RFT1: variants seen among roughly 807,000 people sequenced by gnomAD.
RFT1 encodes man(5)GlcNAc(2)-PP-dolichol translocation protein RFT1.
A neutral mutation model predicts 62.2 loss-of-function variants in RFT1; 43 were observed. That is an observed-to-expected ratio of 0.69 (90% CI 0.54 to 0.89). The LOEUF (loss-of-function observed/expected upper bound fraction) is 0.89. RFT1 is among the 40% of genes least tolerant of loss of function. The pLI is 0.00. For missense variants in RFT1, 605 were observed against 649.9 expected (o/e 0.93, Z 0.75); for synonymous variants, 262 against 264.6 (o/e 0.99, Z 0.10).
At chr3:53,124,375 T>C (rs1029653389) in intron 2 of RFT1, among the ~76,000 whole-genome samples, 5 of 152,062 alleles carry the variant, frequency 3.3e-5, no homozygotes, top group African/African-American at 1.2e-4. Context: ...CCTTCCTGCA[T>C]CTTAGCGAGG....
chr3:53,115,329 C>T (rs1217435930), intron 6 of RFT1, among the ~76,000 whole-genome samples: 1 of 152,084 alleles, frequency 6.6e-6, no homozygotes, highest in Non-Finnish European at 1.5e-5. Context: ...TCTCATGGAG[C>T]CAGTATGAGG....
At chr3:53,093,705 T>C (rs917583575) in intron 11 of RFT1, among the ~76,000 whole-genome samples, 3 of 151,500 alleles carry the variant, frequency 2.0e-5, no homozygotes, top group South Asian at 2.1e-4. Flanking sequence ...ACAGAGCTAG[T>C]AGACCCCCGT....
At chr3:53,107,909 C>T (rs1273655413) in intron 7 of RFT1, among the ~76,000 whole-genome samples, 1 of 152,154 alleles carries the variant, frequency 6.6e-6, no homozygotes, top group Non-Finnish European at 1.5e-5. Context: ...GACTTTCTCC[C>T]ACCCTGACTC....
chr3:53,078,546 C>T, the RFT1 span, among the ~76,000 whole-genome samples: 1 of 152,078 alleles, frequency 6.6e-6, no homozygotes, highest in South Asian at 2.1e-4. Context: ...TGAGACTAGC[C>T]TGGGCAACAT....
intron 7 of RFT1, 91 bp from the exon 8 acceptor site, chr3:53,106,960 G>T: frequency 1.1e-6 from 1 of 928,680 alleles, no homozygotes; most frequent in Non-Finnish European, 1.7e-6. Context: ...TTTTCCAGCT[G>T]ACAAATAAAG....
At chr3:53,073,471 C>T in the RFT1 span, among the ~76,000 whole-genome samples, 1 of 152,036 alleles carries the variant, frequency 6.6e-6, no homozygotes, top group Non-Finnish European at 1.5e-5. Context: ...AAGGGAAGCA[C>T]AAGTGTGTGG....
the RFT1 span, among the ~76,000 whole-genome samples, chr3:53,070,932 A>G: frequency 4.6e-5 from 7 of 151,512 alleles, no homozygotes; most frequent in East Asian, 1.2e-3. Context: ...GGGTTTCACC[A>G]TGTTGGCCAG....
chr3:53,126,130 T>G, intron 1 of RFT1, 136 bp from the exon 2 acceptor site: 1 of 678,622 alleles, frequency 1.5e-6, no homozygotes, highest in Non-Finnish European at 2.7e-6. Flanking sequence ...GACTCTCCTC[T>G]AAGACGCCCA....
At chr3:53,106,768 T>G (rs374585807) in intron 8 of RFT1, 51 bp downstream of exon 8, 1 of 1,232,498 alleles carries the variant, frequency 8.1e-7, no homozygotes, top group Non-Finnish European at 1.2e-6. Context: ...TTAGGAAGTA[T>G]CTATTAATAG....
At chr3:53,106,903 C>A in intron 7 of RFT1, 34 bp from the exon 8 acceptor site, 1 of 1,479,764 alleles carries the variant, frequency 6.8e-7, no homozygotes, top group South Asian at 1.1e-5. Flanking sequence ...TTAGCAATGT[C>A]AAATGCACAT....
Position 53,129,216 on chromosome 3 carries a change from C to T in RFT1, c.63+1122G>A, listed in dbSNP as rs142339902. On this transcript the variant is annotated intron_variant, in intron 1 of 12. Transcript: ENST00000296292. ...ATGCTTTCCATAGGTTATCTCATTT[C>T]ATTCCTACATTGACTATTTTAAAAA... Among the ~76,000 whole-genome samples the T allele has an allele frequency of 7.4e-4, 113 of 152,324 alleles. 3 individuals are homozygous for T. In the East Asian group the frequency reaches 0.021, roughly 29 times the overall value.
In RFT1 at chr3:53,092,595, A is replaced by G. The variant is rs1033540179; in HGVS notation, c.1232T>C (p.Leu411Pro). The change falls in exon 12 of 13, where the codon CTG (leucine) becomes CCG (proline). Residue 411 changes from leucine (L) to proline (P), a missense_variant. Leu to Pro is a moderately conservative substitution (Grantham distance 98). Coordinates refer to ENST00000296292, the MANE Select transcript of RFT1 (RefSeq NM_052859.4). The part of the protein sequence containing the change: ...VDRYNFVMLA[L>P]SSSFLVLSYL... ...GGATAACACCAGGAATGAGGAGGAC[A>G]GGGCCAGCATCACAAAATTGTACCT... 4 of 1,612,080 alleles carry G rather than the reference A, an allele frequency of 2.5e-6. No individual in the cohort carries two copies. The highest frequency in any genetic ancestry group is 1.7e-5 in the Admixed American group (1 of 59,746).
At chr3:53,120,852 C>T (rs541554448) in intron 5 of RFT1, among the ~76,000 whole-genome samples, 1 of 152,332 alleles carries the variant, frequency 6.6e-6, no homozygotes, top group Admixed American at 6.5e-5. Flanking sequence ...CCCCTCTGCT[C>T]TCCACTCCCA....
chr3:53,092,547 C>G lies in RFT1; in HGVS notation c.1280G>C (p.Gly427Ala). ...GTTGGCCAAGATGAAGCCCACGCTGCCACACCAACGGGTCAAGAGATAGGA... is the reference window on the plus strand; with the variant it reads ...GTTGGCCAAGATGAAGCCCACGCTGGCACACCAACGGGTCAAGAGATAGGA... ...VLSYLLTRWCGSVGFILANCF... is the reference protein window; with the variant it reads ...VLSYLLTRWCASVGFILANCF... Residue 427 changes from glycine (G) to alanine (A), a missense_variant, in exon 12 of 13, where the codon GGC becomes GCC. Coordinates refer to ENST00000296292, the MANE Select transcript of RFT1 (RefSeq NM_052859.4). 1 of 1,612,580 alleles carries G rather than the reference C, an allele frequency of 6.2e-7. No individual in the cohort carries two copies. The highest frequency in any genetic ancestry group is 8.5e-7 in the Non-Finnish European group (1 of 1,179,594).
the RFT1 span, among the ~76,000 whole-genome samples, chr3:53,076,283 G>A: frequency 1.4e-4 from 21 of 152,220 alleles, no homozygotes; most frequent in African/African-American, 4.8e-4. Context: ...CTCTGGGGAA[G>A]GGAGGCAGGG....
intron 1 of RFT1, among the ~76,000 whole-genome samples, chr3:53,128,213 T>C (rs966731165): frequency 6.6e-6 from 1 of 151,992 alleles, no homozygotes; most frequent in Non-Finnish European, 1.5e-5. Flanking sequence ...CCTGAGAATC[T>C]CTTGGGCCCG....
At chr3:53,087,093 C>A (rs1479942277), downstream of RFT1, among the ~76,000 whole-genome samples, 1 of 152,186 alleles carries the variant, frequency 6.6e-6, no homozygotes, top group African/African-American at 2.4e-5. Flanking sequence ...CAAAAATTAG[C>A]CAGGTGTGGT....
downstream of RFT1, among the ~76,000 whole-genome samples, chr3:53,088,290 G>A (rs1700902214): frequency 6.6e-6 from 1 of 152,188 alleles, no homozygotes; most frequent in Admixed American, 6.5e-5. Flanking sequence ...CCCAGACACA[G>A]GAGGTGCCAG....
chr3:53,110,204 A>C (rs1701607110), intron 7 of RFT1, among the ~76,000 whole-genome samples: 1 of 152,256 alleles, frequency 6.6e-6, no homozygotes, highest in African/African-American at 2.4e-5. Flanking sequence ...CTTGGAAGGA[A>C]AAAAATGCAT....
Sources: allele counts gnomAD v4.1 joint callset (sites outside exome capture counted in the v4.1 genomes callset), GRCh38; gene constraint gnomAD v4.1.1; transcripts MANE v1.5; gene names NCBI Gene and HGNC (gene_info 2026-07-23, HGNC 2026-07-21).